The following WWOX variants were observed in gnomAD, a reference collection of about 807,000 sequenced individuals.
WWOX encodes WW domain containing oxidoreductase.
Under a neutral mutation model 46.2 loss-of-function variants are expected in WWOX, and 69 were observed. The observed-to-expected ratio is 1.49, with a 90% CI of 1.23 to 1.82. The LOEUF (loss-of-function observed/expected upper bound fraction) is 1.82. Among genes scored for constraint, WWOX ranks in the 40% most tolerant of loss-of-function variants. The pLI, the probability that WWOX is intolerant of heterozygous loss-of-function variation, is 0.00. For synonymous variants in WWOX, 359 were observed against 202.6 expected (o/e 1.77, Z -6.56); for missense variants, 919 against 542.6 (o/e 1.69, Z -6.89).
At chr16:78,806,967 C>T (rs550142568) in intron 8 of WWOX, among the ~76,000 whole-genome samples, 1 of 152,332 alleles carries the variant, frequency 6.6e-6, no homozygotes, top group African/African-American at 2.4e-5. Flanking sequence ...TTACTAGCCA[C>T]ATGACTGGGT....
At chr16:78,517,855 ATTTTTTTTT>A (rs11342538) in intron 8 of WWOX, among the ~76,000 whole-genome samples, 4 of 86,394 alleles carry the variant, frequency 4.6e-5, no homozygotes, top group Admixed American at 3.1e-4. Flanking sequence ...TACACAACCT[ATTTTTTTTT>A]TTTTTTTTTT....
chr16:78,779,461 G>T (rs914687776), intron 8 of WWOX, among the ~76,000 whole-genome samples: 1 of 152,100 alleles, frequency 6.6e-6, no homozygotes, highest in Non-Finnish European at 1.5e-5. Context: ...TTAAAGTGGG[G>T]TATTAAGGCT....
chr16:79,004,935 C>T (rs1482029631), intron 8 of WWOX, among the ~76,000 whole-genome samples: 1 of 152,062 alleles, frequency 6.6e-6, no homozygotes, highest in Non-Finnish European at 1.5e-5. Context: ...ATTTAGAGCT[C>T]CCCTCTTGTG....
intron 7 of WWOX, among the ~76,000 whole-genome samples, chr16:78,428,423 A>G (rs2083137373): frequency 6.6e-6 from 1 of 152,178 alleles, no homozygotes; most frequent in African/African-American, 2.4e-5. Context: ...GTAAAAGTGG[A>G]CTATCTGCCC....
intron 8 of WWOX, among the ~76,000 whole-genome samples, chr16:78,737,846 T>G (rs2049125949): frequency 6.6e-6 from 1 of 152,126 alleles, no homozygotes; most frequent in East Asian, 1.9e-4. Flanking sequence ...CCTGGGTGGT[T>G]TGTCCTTGGG....
intron 5 of WWOX, among the ~76,000 whole-genome samples, chr16:78,183,226 T>C (rs1253363705): frequency 6.6e-6 from 1 of 152,098 alleles, no homozygotes; most frequent in Non-Finnish European, 1.5e-5. Flanking sequence ...GTAATAATAA[T>C]ATCTACCACC....
intron 8 of WWOX, among the ~76,000 whole-genome samples, chr16:78,962,724 A>G (rs1259682485): frequency 6.6e-6 from 1 of 152,174 alleles, no homozygotes; most frequent in South Asian, 2.1e-4. Context: ...TATTTATACA[A>G]CTGTGTAAAC....
intron 8 of WWOX, among the ~76,000 whole-genome samples, chr16:79,174,776 G>A (rs1412630803): frequency 6.6e-6 from 1 of 152,160 alleles, no homozygotes; most frequent in Non-Finnish European, 1.5e-5. Context: ...AATTTTAGAA[G>A]CTAATAAGTA....
At chr16:78,902,754 A>T (rs2044862074) in intron 8 of WWOX, among the ~76,000 whole-genome samples, 2 of 152,226 alleles carry the variant, frequency 1.3e-5, no homozygotes, top group East Asian at 3.9e-4. Flanking sequence ...TTTTCCATCC[A>T]CTGTCTTCTA....
chr16:79,203,785 A>G (rs2051420412), intron 8 of WWOX: 1 of 152,200 alleles, frequency 6.6e-6, no homozygotes, highest in Non-Finnish European at 1.5e-5. Flanking sequence ...TGAGCTCATT[A>G]ATTCTGCCTG....
chr16:78,440,522 C>T lies in WWOX; in HGVS notation c.1056+7770C>T, dbSNP rs981830357. Among the ~76,000 whole-genome samples the T allele has an allele frequency of 7.2e-5, 11 of 152,244 alleles. 1 individual carries two copies. The highest frequency in any genetic ancestry group is 2.4e-4 in the African/African-American group (10 of 41,558). On this transcript the variant is annotated intron_variant, in intron 8 of 8. Coordinates refer to ENST00000566780, the MANE Select transcript of WWOX (RefSeq NM_016373.4). ...TACTGCCTGACTCGTAGTAGCACTC[C>T]TTATGTGTTGAATGAGTAAATGAAG...
chr16:78,812,925 T>G (rs904632952), intron 8 of WWOX, among the ~76,000 whole-genome samples: 2 of 152,200 alleles, frequency 1.3e-5, no homozygotes, highest in Non-Finnish European at 2.9e-5. Context: ...GACTCACTGG[T>G]GAATTTGTCT....
chr16:78,594,762 T>C (rs1465267827), intron 8 of WWOX, among the ~76,000 whole-genome samples: 1 of 152,140 alleles, frequency 6.6e-6, no homozygotes, highest in African/African-American at 2.4e-5. Flanking sequence ...TTTAAGTTTT[T>C]ATTTATTTTA....
At chr16:78,317,665 C>G (rs910319460) in intron 5 of WWOX, among the ~76,000 whole-genome samples, 2 of 152,066 alleles carry the variant, frequency 1.3e-5, no homozygotes, top group African/African-American at 4.8e-5. Context: ...CGTTTAGGCT[C>G]TGGACTCCTG....
intron 8 of WWOX, among the ~76,000 whole-genome samples, chr16:78,824,837 C>T (rs1047560135): frequency 6.6e-6 from 1 of 152,080 alleles, no homozygotes; most frequent in Admixed American, 6.6e-5. Flanking sequence ...GAGACACACC[C>T]AAAGCATATC....
At chr16:79,001,210 G>T (rs1449424087) in intron 8 of WWOX, among the ~76,000 whole-genome samples, 1 of 152,166 alleles carries the variant, frequency 6.6e-6, no homozygotes, top group African/African-American at 2.4e-5. Context: ...CAGTCTCGAG[G>T]AACGGAGGCC....
At chr16:78,422,842 T>TACACACACAG in intron 6 of WWOX, among the ~76,000 whole-genome samples, 1 of 76,298 alleles carries the variant, frequency 1.3e-5, no homozygotes, top group African/African-American at 5.8e-5. Flanking sequence ...TATATATACA[T>TACACACACAG]ATACACACAC....
intron 8 of WWOX, among the ~76,000 whole-genome samples, chr16:79,040,663 C>G (rs2047953467): frequency 6.6e-6 from 1 of 152,080 alleles, no homozygotes; most frequent in African/African-American, 2.4e-5. Context: ...AGTTCCCACC[C>G]TCATCATCAA....
chr16:78,839,940 T>G (rs1388756796), intron 8 of WWOX, among the ~76,000 whole-genome samples: 1 of 152,170 alleles, frequency 6.6e-6, no homozygotes, highest in South Asian at 2.1e-4. Flanking sequence ...GTTAACCATA[T>G]ATTATTAGCT....
Sources: gnomAD v4.1 joint callset for allele counts (sites outside exome capture counted in the v4.1 genomes callset) on GRCh38, gnomAD v4.1.1 for gene constraint, MANE v1.5 for transcripts, NCBI Gene and HGNC (gene_info 2026-07-23, HGNC 2026-07-21) for gene names.